The following RARB variants were observed in gnomAD, a reference collection of about 807,000 sequenced individuals.
The protein encoded by RARB is retinoic acid receptor beta, also known as HBV-activated protein.
A neutral mutation model predicts 51.9 loss-of-function variants in RARB; 17 were observed. The ratio of observed to expected loss-of-function variants is 0.33; its 90% CI spans 0.22 to 0.49. The LOEUF is 0.49. RARB is among the 20% of genes least tolerant of loss of function. RARB has a pLI of 0.99. For synonymous variants in RARB, 215 were observed against 195.4 expected (o/e 1.10, Z -0.84); for missense variants, 369 against 550.8 (o/e 0.67, Z 3.30).
intron 2 of RARB, among the ~76,000 whole-genome samples, chr3:25,480,677 T>C (rs983889549): frequency 6.6e-6 from 1 of 152,198 alleles, no homozygotes; most frequent in Admixed American, 6.5e-5. Context: ...TGAGAAGTTG[T>C]TATTTATTTT....
intron 5 of RARB, among the ~76,000 whole-genome samples, chr3:25,288,964 A>G (rs1703719476): frequency 6.6e-6 from 1 of 152,184 alleles, no homozygotes; most frequent in Non-Finnish European, 1.5e-5. Flanking sequence ...CTATATTTGG[A>G]GACCTTAATT....
chr3:25,309,363 T>C (rs1704230986), intron 5 of RARB, among the ~76,000 whole-genome samples: 1 of 150,474 alleles, frequency 6.6e-6, no homozygotes, highest in African/African-American at 2.4e-5. Flanking sequence ...CTGGTCTCGA[T>C]CTCCTGACCT....
At chr3:25,258,614 G>A (rs1205460534) in intron 5 of RARB, among the ~76,000 whole-genome samples, 2 of 152,084 alleles carry the variant, frequency 1.3e-5, no homozygotes, top group Non-Finnish European at 2.9e-5. Context: ...TCTGTTTTCT[G>A]TTGCTGTAAT....
At chr3:24,963,550 AG>A (rs1696186446) in intron 2 of RARB, among the ~76,000 whole-genome samples, 1 of 151,430 alleles carries the variant, frequency 6.6e-6, no homozygotes, top group South Asian at 2.1e-4. Flanking sequence ...ACCCAAATTC[AG>A]GAAGCAGAAT....
intron 5 of RARB, among the ~76,000 whole-genome samples, chr3:25,238,513 C>T (rs941278013): frequency 5.3e-5 from 8 of 152,006 alleles, no homozygotes; most frequent in Non-Finnish European, 8.8e-5. Context: ...TTTTCCCTTG[C>T]GTAAATACCC....
chr3:25,370,528 C>T (rs74710520), intron 5 of RARB, among the ~76,000 whole-genome samples: 225 of 152,196 alleles, frequency 1.5e-3, no homozygotes, highest in African/African-American at 4.3e-3. Context: ...TGAAAATACC[C>T]GCTTAAATAT....
At chr3:25,490,746 T>C (rs920247592) in intron 2 of RARB, among the ~76,000 whole-genome samples, 2 of 152,208 alleles carry the variant, frequency 1.3e-5, no homozygotes, top group African/African-American at 4.8e-5. Flanking sequence ...TTAAAATTCA[T>C]TGGCTTCTTG....
At chr3:25,244,982 G>C (rs1378721561) in intron 5 of RARB, among the ~76,000 whole-genome samples, 2 of 151,738 alleles carry the variant, frequency 1.3e-5, no homozygotes, top group Admixed American at 1.3e-4. Context: ...TATGAATCTG[G>C]GTGCTCCCGT....
At chr3:24,981,673 T>C (rs1227152565) in intron 2 of RARB, among the ~76,000 whole-genome samples, 2 of 152,104 alleles carry the variant, frequency 1.3e-5, no homozygotes, top group African/African-American at 2.4e-5. Flanking sequence ...TGCATGGCTC[T>C]ACCAGGCACA....
intron 2 of RARB, among the ~76,000 whole-genome samples, chr3:24,993,091 A>G (rs551394902): frequency 5.6e-4 from 85 of 152,314 alleles, no homozygotes; most frequent in African/African-American, 2.0e-3. Context: ...AACTCCATGG[A>G]TATTTCCAGT....
chr3:25,403,180 G>T (rs1001913343), intron 5 of RARB, among the ~76,000 whole-genome samples: 3 of 139,334 alleles, frequency 2.2e-5, no homozygotes, highest in Non-Finnish European at 4.7e-5. Context: ...AAAAAAAAAT[G>T]AGTGAGACCT....
chr3:24,876,895 C>T (rs1166367483), intron 2 of RARB, among the ~76,000 whole-genome samples: 3 of 152,080 alleles, frequency 2.0e-5, no homozygotes. Flanking sequence ...TAAACATACT[C>T]AGAAGCAAAA....
chr3:25,531,250 A>C (rs1294120020), intron 3 of RARB, among the ~76,000 whole-genome samples: 1 of 152,150 alleles, frequency 6.6e-6, no homozygotes, highest in East Asian at 1.9e-4. Context: ...TGTGAACCAC[A>C]TGGGTTCCAG....
chr3:24,947,777 C>G (rs757622886), intron 2 of RARB, among the ~76,000 whole-genome samples: 4 of 152,130 alleles, frequency 2.6e-5, no homozygotes, highest in Non-Finnish European at 4.4e-5. Context: ...ATTCTCCAGT[C>G]AAATAGAGCT....
chr3:25,100,772 C>T (rs372826973), intron 3 of RARB, among the ~76,000 whole-genome samples: 31 of 152,220 alleles, frequency 2.0e-4, no homozygotes, highest in African/African-American at 6.3e-4. Context: ...CACTCGGTCA[C>T]GTGTCAAAAG....
intron 2 of RARB, among the ~76,000 whole-genome samples, chr3:25,043,903 T>C (rs1445488431): frequency 6.6e-6 from 1 of 152,080 alleles, no homozygotes; most frequent in Non-Finnish European, 1.5e-5. Flanking sequence ...TGAGGAAATG[T>C]GTGGTTGATG....
chr3:25,188,749 A>G (rs112763767), intron 5 of RARB, among the ~76,000 whole-genome samples: 689 of 13,916 alleles, frequency 0.05, 7 homozygotes, highest in African/African-American at 0.21. Flanking sequence ...CTTGTTTTTT[A>G]CCCACAATAG....
chr3:25,146,976 G>A (rs567798623), intron 4 of RARB, among the ~76,000 whole-genome samples: 1 of 152,256 alleles, frequency 6.6e-6, no homozygotes, highest in East Asian at 1.9e-4. Flanking sequence ...TTAACACTAT[G>A]AATGCCTGGG....
chr3:25,260,480 C>T (rs185605267), intron 5 of RARB, among the ~76,000 whole-genome samples: 1 of 152,140 alleles, frequency 6.6e-6, no homozygotes, highest in East Asian at 1.9e-4. Flanking sequence ...CTCCAAAGGG[C>T]AGAAGAAAAT....
Sources: allele counts gnomAD v4.1 joint callset (sites outside exome capture counted in the v4.1 genomes callset), GRCh38; gene constraint gnomAD v4.1.1; transcripts MANE v1.5; gene names NCBI Gene and HGNC (gene_info 2026-07-23, HGNC 2026-07-21).